CELF2: variants seen among roughly 807,000 people sequenced by gnomAD.
CELF2 encodes CUG triplet repeat RNA-binding protein 2.
Under a neutral mutation model 62.6 loss-of-function variants are expected in CELF2, and 8 were observed. The ratio of observed to expected loss-of-function variants is 0.13; its 90% CI spans 0.07 to 0.23. The LOEUF is 0.23. Ranked by LOEUF, CELF2 falls within the 10% of genes least tolerant of loss-of-function variation. The pLI is 1.00. For missense variants in CELF2, 333 were observed against 671.0 expected (o/e 0.50, Z 5.56); for synonymous variants, 258 against 250.0 (o/e 1.03, Z -0.30).
At position 11,222,340 on chromosome 10, in the gene CELF2, A is replaced by G. The variant is rs908428539; in HGVS notation, c.354+4833A>G. ...TGTCATCATCATTATTATTTTTGCC[A>G]TAAAATCTCTCAAACCTCATCTCAC... is the stretch of plus-strand genomic sequence containing the variant. On this transcript the variant is annotated intron_variant, in intron 3 of 12. Coordinates refer to ENST00000633077, the MANE Select transcript of CELF2 (RefSeq NM_001326342.2). Among the ~76,000 whole-genome samples, 4 of 152,320 alleles carry G rather than the reference A, an allele frequency of 2.6e-5. 1 individual carries two copies. Among genetic ancestry groups the G allele is most frequent in the East Asian group, 3.9e-4 (2 of 5,190 alleles).
intron 1 of CELF2, among the ~76,000 whole-genome samples, chr10:11,096,798 C>G (rs1244164419): frequency 6.6e-6 from 1 of 152,212 alleles, no homozygotes; most frequent in East Asian, 1.9e-4. Flanking sequence ...TACTTGTCCT[C>G]TATCTACCAG....
chr10:11,236,310 T>C (rs1192105423), intron 3 of CELF2, among the ~76,000 whole-genome samples: 5 of 152,228 alleles, frequency 3.3e-5, no homozygotes, highest in Admixed American at 3.3e-4. Context: ...AGAGGGGTAT[T>C]CTTGTGGTGG....
At chr10:10,551,235 C>T in the CELF2 span, among the ~76,000 whole-genome samples, 1 of 152,276 alleles carries the variant, frequency 6.6e-6, no homozygotes, top group South Asian at 2.1e-4. Flanking sequence ...CTTAAGAGGC[C>T]TCTATGACCC....
At chr10:10,703,614 T>C in the CELF2 span, among the ~76,000 whole-genome samples, 1 of 152,232 alleles carries the variant, frequency 6.6e-6, no homozygotes, top group Non-Finnish European at 1.5e-5. Context: ...TGTTGTTAAA[T>C]AGCTCCCTAG....
the CELF2 span, among the ~76,000 whole-genome samples, chr10:10,527,462 A>AT: frequency 6.6e-6 from 1 of 151,496 alleles, no homozygotes; most frequent in African/African-American, 2.4e-5. Flanking sequence ...AAAAAAAAAA[A>AT]GTAACCAGGC....
the CELF2 span, among the ~76,000 whole-genome samples, chr10:10,501,229 A>G: frequency 2.0e-5 from 3 of 152,224 alleles, no homozygotes; most frequent in African/African-American, 4.8e-5. Context: ...ACAGCAATGT[A>G]TGAGTAATCA....
intron 2 of CELF2, among the ~76,000 whole-genome samples, chr10:10,976,801 C>G (rs1211740656): frequency 6.6e-6 from 1 of 152,124 alleles, no homozygotes; most frequent in African/African-American, 2.4e-5. Context: ...TGAAATTTCC[C>G]CTCTCTTCCC....
At position 11,300,771 on chromosome 10, in the gene CELF2, A is replaced by G. The variant is rs2093639290; in HGVS notation, c.976+12219A>G. 6.6e-6 allele frequency among the ~76,000 whole-genome samples: 1 copy of G among 152,100 alleles called. No individual in the cohort carries two copies. Among genetic ancestry groups the G allele is most frequent in the African/African-American group, 2.4e-5 (1 of 41,412 alleles). Reference sequence around the variant, plus strand: ...CGCATCCAAGCTCGTTTGAGGCAAAACGGCGACCGCGGGCTCCAGTGTCCT... The same window carrying G: ...CGCATCCAAGCTCGTTTGAGGCAAAGCGGCGACCGCGGGCTCCAGTGTCCT... On this transcript the variant is annotated intron_variant, in intron 9 of 12. Transcript: ENST00000633077. The surrounding 1 kb of genome is among the most constrained non-coding windows in gnomAD (Gnocchi z 5.5).
chr10:10,836,990 T>G (rs1049579916), intron 1 of CELF2, among the ~76,000 whole-genome samples: 2 of 152,238 alleles, frequency 1.3e-5, no homozygotes, highest in African/African-American at 4.8e-5. Context: ...TAAATTGAAC[T>G]AATCCTAAGT....
rs1184599904 is a variant in CELF2 at position 11,331,046 on chromosome 10, T to C, written c.*1993T>C. The C allele has an allele frequency of 6.6e-6, 1 of 152,612 alleles. No homozygotes were observed. Among genetic ancestry groups the C allele is most frequent in the Non-Finnish European group, 1.5e-5 (1 of 68,038 alleles). 9.5% of individuals were successfully genotyped at this position (152,612 alleles called of 1,614,324 possible). A position where few individuals can be genotyped will look rare whatever the true frequency, so the allele number is the denominator to read the frequency against. On this transcript the variant is annotated 3_prime_UTR_variant, in exon 13 of 13. Transcript: ENST00000633077. ...TGTAGATTAGTATAAGAAAAATATT[T>C]ACCCTGTTTTGGGGCAAATGCTACC...
At chr10:10,483,858 C>G in the CELF2 span, among the ~76,000 whole-genome samples, 5 of 151,354 alleles carry the variant, frequency 3.3e-5, no homozygotes, top group Admixed American at 2.0e-4. Flanking sequence ...TGCCTGCCTG[C>G]CTTCCTTCCT....
intron 1 of CELF2, among the ~76,000 whole-genome samples, chr10:10,804,755 G>A (rs1484854362): frequency 6.6e-6 from 1 of 152,216 alleles, no homozygotes; most frequent in Non-Finnish European, 1.5e-5. Flanking sequence ...CCGAAATGTT[G>A]TAAGTCACTG....
intron 1 of CELF2, among the ~76,000 whole-genome samples, chr10:11,086,950 G>A (rs2046980963): frequency 6.6e-6 from 1 of 152,152 alleles, no homozygotes; most frequent in Non-Finnish European, 1.5e-5. Context: ...GGAAGTATTA[G>A]GTCTCTCTGA....
At chr10:11,028,992 G>A (rs1021115274) in intron 1 of CELF2, among the ~76,000 whole-genome samples, 5 of 152,296 alleles carry the variant, frequency 3.3e-5, no homozygotes, top group African/African-American at 1.2e-4. Context: ...GGGATTACAG[G>A]CGTGAGTCAC....
the CELF2 span, among the ~76,000 whole-genome samples, chr10:10,653,341 T>G: frequency 6.7e-6 from 1 of 149,152 alleles, no homozygotes; most frequent in Non-Finnish European, 1.5e-5. Flanking sequence ...ACCCAGGAAT[T>G]GAACTCAGCT....
intron 2 of CELF2, among the ~76,000 whole-genome samples, chr10:10,988,309 A>AGC (rs1564318389): frequency 3.3e-5 from 5 of 151,914 alleles, no homozygotes; most frequent in African/African-American, 4.8e-5. Flanking sequence ...AGAGAGAGAG[A>AGC]GAGAGCATGG....
chr10:11,253,985 G>A (rs529641339), intron 4 of CELF2, among the ~76,000 whole-genome samples: 11 of 152,174 alleles, frequency 7.2e-5, no homozygotes, highest in Admixed American at 2.6e-4. Flanking sequence ...AACACAGTGC[G>A]TTTCATTTAA....
intron 1 of CELF2, among the ~76,000 whole-genome samples, chr10:11,158,777 T>C (rs1212694821): frequency 6.6e-6 from 1 of 152,216 alleles, no homozygotes; most frequent in African/African-American, 2.4e-5. Context: ...CTGGCAAGCA[T>C]TTGAGACCCC....
Position 11,243,870 on chromosome 10 carries a change from T to C in CELF2, c.355-5283T>C, listed in dbSNP as rs1389722941. 6.6e-6 allele frequency among the ~76,000 whole-genome samples: 1 copy of C among 152,204 alleles called. No individual in the cohort carries two copies. Among genetic ancestry groups the C allele is most frequent in the African/African-American group, 2.4e-5 (1 of 41,446 alleles). ...TAGCACACGTCTCTTCAGAGACTCCTTGCAAAAATTCTGGAAGATCGTGTA... is the reference window on the plus strand; with the variant it reads ...TAGCACACGTCTCTTCAGAGACTCCCTGCAAAAATTCTGGAAGATCGTGTA... On this transcript the variant is annotated intron_variant, in intron 3 of 12. Transcript: ENST00000633077. The surrounding 1 kb of genome is among the most constrained non-coding windows in gnomAD (Gnocchi z 4.1).
Sources: allele counts gnomAD v4.1 joint callset (sites outside exome capture counted in the v4.1 genomes callset), GRCh38; gene constraint gnomAD v4.1.1; non-coding constraint Gnocchi (gnomAD v3.1); transcripts MANE v1.5; gene names NCBI Gene and HGNC (gene_info 2026-07-23, HGNC 2026-07-21).